Variants in SUCLG2 observed in about 807,000 individuals in gnomAD.
SUCLG2 encodes the protein succinate-CoA ligase GDP-forming subunit beta, also known as succinate--CoA ligase [GDP-forming] subunit beta, mitochondrial.
Under a neutral mutation model 47.9 loss-of-function variants are expected in SUCLG2, and 42 were observed. The ratio of observed to expected loss-of-function variants is 0.88; its 90% CI spans 0.69 to 1.14. The LOEUF (loss-of-function observed/expected upper bound fraction) is 1.14. SUCLG2 is among the 50% of genes most tolerant of loss of function. The probability of loss-of-function intolerance (pLI) is 0.00; values close to 1 mark genes in which losing one functional copy is unlikely to be tolerated. For synonymous variants in SUCLG2, 195 were observed against 197.3 expected (o/e 0.99, Z 0.10); for missense variants, 571 against 525.9 (o/e 1.09, Z -0.84).
At chr3:67,625,032 C>T (rs969266830) in intron 1 of SUCLG2, among the ~76,000 whole-genome samples, 7 of 152,108 alleles carry the variant, frequency 4.6e-5, no homozygotes, top group Admixed American at 1.3e-4. Context: ...TCAGAGGAGC[C>T]GAAGAACCTA....
intron 9 of SUCLG2, among the ~76,000 whole-genome samples, chr3:67,463,563 T>C: frequency 6.6e-6 from 1 of 152,380 alleles, no homozygotes; most frequent in East Asian, 1.9e-4. Flanking sequence ...ACCTAATTTA[T>C]ACTTTCTTAA....
chr3:67,520,768 G>C, intron 4 of SUCLG2, 134 bp from the exon 5 acceptor site: 2 of 976,710 alleles, frequency 2.0e-6, no homozygotes, highest in South Asian at 3.4e-5. Flanking sequence ...AGTTTGCAGA[G>C]CTTTGAGAGT....
At chr3:67,402,905 T>A (rs1702719966) in intron 9 of SUCLG2, among the ~76,000 whole-genome samples, 1 of 152,208 alleles carries the variant, frequency 6.6e-6, no homozygotes, top group Non-Finnish European at 1.5e-5. Context: ...TAATCTTATG[T>A]GAATTCACCT....
chr3:67,654,607 C>T lies in SUCLG2; in HGVS notation c.-21G>A. On this transcript the variant is annotated 5_prime_UTR_variant, in exon 1 of 11. The change creates a new upstream start codon in the 5' untranslated region. Coordinates refer to ENST00000307227, the MANE Select transcript of SUCLG2 (RefSeq NM_003848.4). ...GCCATCTTAAACAGGAAACTCGGCACGGGGCAGTAGGGCGGGCGCGGGCAG... is the reference window on the plus strand; with the variant it reads ...GCCATCTTAAACAGGAAACTCGGCATGGGGCAGTAGGGCGGGCGCGGGCAG... 1 of 1,264,208 alleles carries T rather than the reference C, an allele frequency of 7.9e-7. No homozygotes were observed. Among genetic ancestry groups the T allele is most frequent in the African/African-American group, 1.5e-5 (1 of 65,646 alleles). 78.3% of individuals were successfully genotyped at this position (1,264,208 alleles called of 1,614,324 possible). A position where few individuals can be genotyped will look rare whatever the true frequency, so the allele number is the denominator to read the frequency against.
chr3:67,518,476 C>T, intron 5 of SUCLG2, 140 bp from the exon 6 acceptor site: 2 of 699,394 alleles, frequency 2.9e-6, no homozygotes, highest in Non-Finnish European at 2.3e-6. Context: ...AGCAGGGCTA[C>T]CGCAGATGCC....
At chr3:67,480,652 T>C (rs1319580037) in intron 9 of SUCLG2, among the ~76,000 whole-genome samples, 2 of 152,168 alleles carry the variant, frequency 1.3e-5, no homozygotes, top group East Asian at 3.8e-4. Flanking sequence ...CAGAGGTAGG[T>C]GGCCTCTTTC....
chr3:67,606,489 A>G (rs1470623398), intron 2 of SUCLG2, among the ~76,000 whole-genome samples: 2 of 152,198 alleles, frequency 1.3e-5, no homozygotes, highest in Non-Finnish European at 2.9e-5. Flanking sequence ...TCAAAGACCA[A>G]CTTGAACTTT....
intron 2 of SUCLG2, among the ~76,000 whole-genome samples, chr3:67,549,427 CAT>C (rs1706951800): frequency 6.6e-6 from 1 of 152,118 alleles, no homozygotes; most frequent in Non-Finnish European, 1.5e-5. Context: ...AAAGCCAAAA[CAT>C]ATCTGTGGTA....
chr3:67,633,216 T>C (rs770983599), intron 1 of SUCLG2, among the ~76,000 whole-genome samples: 4 of 152,188 alleles, frequency 2.6e-5, no homozygotes, highest in Non-Finnish European at 5.9e-5. Flanking sequence ...ACATGATTAT[T>C]TTTTTGGGCT....
At chr3:67,455,160 C>T (rs1009596631) in intron 9 of SUCLG2, among the ~76,000 whole-genome samples, 2 of 151,964 alleles carry the variant, frequency 1.3e-5, no homozygotes. Context: ...TTACTTATTT[C>T]AAGTTTTCTA....
chr3:67,430,153 TC>T (rs1703437176), intron 9 of SUCLG2, among the ~76,000 whole-genome samples: 1 of 152,212 alleles, frequency 6.6e-6, no homozygotes. Context: ...ATACATTTTT[TC>T]TCAGCACCAC....
chr3:67,628,172 G>A (rs111905581), intron 1 of SUCLG2, among the ~76,000 whole-genome samples: 1,787 of 152,274 alleles, frequency 0.012, 42 homozygotes, highest in African/African-American at 0.041. Flanking sequence ...ATACTTCCCT[G>A]TTTCATACTT....
intron 10 of SUCLG2, among the ~76,000 whole-genome samples, chr3:67,389,475 A>G (rs1702332557): frequency 6.6e-6 from 1 of 152,214 alleles, no homozygotes; most frequent in Non-Finnish European, 1.5e-5. Flanking sequence ...GTGAAAATGA[A>G]AAACCAACCA....
intron 1 of SUCLG2, among the ~76,000 whole-genome samples, chr3:67,622,602 A>G (rs1369435894): frequency 1.3e-5 from 2 of 152,254 alleles, no homozygotes; most frequent in Non-Finnish European, 2.9e-5. Context: ...TATCTATTTC[A>G]TGTAGTTAAT....
chr3:67,375,838 T>C lies in SUCLG2; in HGVS notation c.1205A>G (p.Gln402Arg). 6.2e-7 allele frequency: 1 copy of C among 1,613,796 alleles called. No individual in the cohort carries two copies. Among genetic ancestry groups the C allele is most frequent in the Non-Finnish European group, 8.5e-7 (1 of 1,179,856 alleles). The part of the protein sequence containing the change: ...RLEGTNVQEA[Q>R]KILNNSGLPI... Reference sequence around the variant, plus strand: ...GAGTCCGCTGTTGTTGAGTATCTTCTGGGCCTCTTGGACGTTGGTTCCTAG... The same window carrying C: ...GAGTCCGCTGTTGTTGAGTATCTTCCGGGCCTCTTGGACGTTGGTTCCTAG... Residue 402 changes from glutamine to arginine, a missense_variant, in exon 11 of 11, where the codon CAG (glutamine) becomes CGG (arginine). Transcript: ENST00000307227.
At chr3:67,621,363 T>A (rs1700733810) in intron 1 of SUCLG2, among the ~76,000 whole-genome samples, 1 of 152,180 alleles carries the variant, frequency 6.6e-6, no homozygotes, top group African/African-American at 2.4e-5. Flanking sequence ...ACACACACAC[T>A]TTACAATGTT....
downstream of SUCLG2, among the ~76,000 whole-genome samples, chr3:67,370,688 A>G (rs1172812536): frequency 6.6e-6 from 1 of 152,220 alleles, no homozygotes; most frequent in Non-Finnish European, 1.5e-5. Context: ...AAACAGGAAT[A>G]AAATTGAACA....
At chr3:67,551,823 G>A (rs1290424911) in intron 2 of SUCLG2, among the ~76,000 whole-genome samples, 3 of 152,046 alleles carry the variant, frequency 2.0e-5, no homozygotes, top group African/African-American at 4.8e-5. Flanking sequence ...ACCTCACCTC[G>A]TTTATCTTCA....
intron 9 of SUCLG2, among the ~76,000 whole-genome samples, chr3:67,479,700 G>A (rs1185910665): frequency 6.6e-6 from 1 of 152,248 alleles, no homozygotes; most frequent in Non-Finnish European, 1.5e-5. Flanking sequence ...AGAAGCAGTT[G>A]ATGGTAACTT....
Sources: allele counts gnomAD v4.1 joint callset (sites outside exome capture counted in the v4.1 genomes callset), GRCh38; gene constraint gnomAD v4.1.1; transcripts MANE v1.5; gene names NCBI Gene and HGNC (gene_info 2026-07-23, HGNC 2026-07-21).